The following HMCN1 variants were observed in gnomAD, a reference collection of about 807,000 sequenced individuals.
HMCN1 encodes hemicentin 1.
In HMCN1, 321 loss-of-function variants were observed where a neutral mutation model predicts 625.9. The ratio of observed to expected loss-of-function variants is 0.51; its 90% CI spans 0.47 to 0.56. The LOEUF (loss-of-function observed/expected upper bound fraction) is 0.56. Ranked by LOEUF, HMCN1 falls within the 20% of genes least tolerant of loss-of-function variation. HMCN1 has a pLI of 0.00. For missense variants in HMCN1, 6,588 were observed against 6,887.3 expected, an observed-to-expected ratio of 0.96 and a Z score of 1.54; for synonymous variants, 2,425 against 2,417.6, an observed-to-expected ratio of 1.00 and a Z score of -0.09.
chr1:186,117,352 T>C, intron 76 of HMCN1, 107 bp from the exon 77 acceptor site: 1 of 1,344,270 alleles, frequency 7.4e-7, no homozygotes, highest in Non-Finnish European at 1.0e-6. Context: ...TCTACTTACC[T>C]AACTTTCACT....
chr1:186,087,496 A>C lies in HMCN1; in HGVS notation c.9214A>C (p.Arg3072=). 6 of 1,613,306 alleles carry C rather than the reference A, an allele frequency of 3.7e-6. No homozygotes were observed. Among genetic ancestry groups the C allele is most frequent in the Non-Finnish European group, 5.1e-6 (6 of 1,179,494 alleles). ...DSESLSVVNV[R]EGTSVSLECE... is the part of the protein sequence containing the mutation. ...TGAATCTCTTTCTGTAGTTAATGTA[A>C]GAGAGGGAACTTCTGTGTCTTTGGA... The change falls in exon 60 of 107, where the codon AGA becomes CGA. Residue 3072 remains arginine (R), a synonymous_variant. Coordinates refer to ENST00000271588, the MANE Select transcript of HMCN1 (RefSeq NM_031935.3).
At chr1:185,810,924 A>T (rs1219161523) in intron 1 of HMCN1, among the ~76,000 whole-genome samples, 7 of 152,186 alleles carry the variant, frequency 4.6e-5, no homozygotes, top group Admixed American at 3.3e-4. Flanking sequence ...GCATTCTGTT[A>T]GCAAAGAACA....
Position 186,119,301 on chromosome 1 carries a change from A to G in HMCN1, c.11956+3A>G, listed in dbSNP as rs763371577. 1.4e-5 allele frequency: 22 copies of G among 1,607,636 alleles called. No individual in the cohort carries two copies. Among genetic ancestry groups the G allele is most frequent in the African/African-American group, 2.7e-5 (2 of 74,758 alleles). Reference sequence around the variant, plus strand: ...ACACGTGACCCTTCATGTTCATGGTATGGAAGGCTATTTACTCATTCAAAG... The same window carrying G: ...ACACGTGACCCTTCATGTTCATGGTGTGGAAGGCTATTTACTCATTCAAAG... On this transcript the variant is annotated splice_donor_region_variant and intron_variant, in intron 78 of 106. Coordinates refer to ENST00000271588, the MANE Select transcript of HMCN1 (RefSeq NM_031935.3).
At position 186,122,965 on chromosome 1, in the gene HMCN1, A is replaced by G. The variant is rs1044719796; in HGVS notation, c.12244A>G (p.Ser4082Gly). ...GTATATTTTAGTTCCTCCAGTCATT[A>G]GCCCTCATCTAAAGGAATATGTTAT... Reference protein sequence around the residue: ...KLNVQVPPVISPHLKEYVIAV... With the variant: ...KLNVQVPPVIGPHLKEYVIAV... Residue 4082 changes from serine (S) to glycine (G), a missense_variant, in exon 81 of 107, where the codon AGC (serine) becomes GGC (glycine). Physicochemically the swap from Ser to Gly is moderately conservative, Grantham distance 56 (BLOSUM62 0). Around this residue, in one of 3 missense-constraint regions of HMCN1, gnomAD observed 1,954 missense variants for 2,013.1 expected, o/e 0.97. Coordinates refer to ENST00000271588, the MANE Select transcript of HMCN1 (RefSeq NM_031935.3). The G allele has an allele frequency of 1.2e-6, 2 of 1,613,914 alleles. No individual in the cohort carries two copies. The highest frequency in any genetic ancestry group is 1.7e-6 in the Non-Finnish European group (2 of 1,179,970).
chr1:185,790,604 G>A (rs1391475237), intron 1 of HMCN1, among the ~76,000 whole-genome samples: 1 of 152,206 alleles, frequency 6.6e-6, no homozygotes, highest in Non-Finnish European at 1.5e-5. Flanking sequence ...ATGGCCTAGA[G>A]CAGTGTTTTT....
At position 186,115,049 on chromosome 1, in the gene HMCN1, G is replaced by C. The variant is rs1256765649; in HGVS notation, c.11404+103G>C. On this transcript the variant is annotated intron_variant, in intron 74 of 106. Transcript: ENST00000271588. ...GATCTTGACATTGAAGGCTAGTTAA[G>C]CAATTTACATTATGGTATGAATAGC... The C allele has an allele frequency of 8.5e-6, 13 of 1,531,034 alleles. No individual in the cohort carries two copies. The Admixed American group carries it at 2.2e-4, about 26-fold the overall frequency. 94.8% of individuals were successfully genotyped at this position (1,531,034 alleles called of 1,614,324 possible).
At chr1:186,070,023 T>A (rs1658387587) in intron 51 of HMCN1, among the ~76,000 whole-genome samples, 1 of 152,204 alleles carries the variant, frequency 6.6e-6, no homozygotes. Flanking sequence ...GGCATTTCCT[T>A]AAGTTTCTCT....
rs533774933 is a variant in HMCN1, at chr1:185,745,396, T to C, written c.268+10349T>C. Among the ~76,000 whole-genome samples, 11 of 152,282 alleles carry C rather than the reference T, an allele frequency of 7.2e-5. 1 individual carries two copies. The South Asian group carries it at 2.3e-3, about 32-fold the overall frequency. ...GTTTATCCTTATAAATATGTAATGA[T>C]GTCATTACATATTTGGATCATAATA... On this transcript the variant is annotated intron_variant, in intron 1 of 106. Transcript: ENST00000271588.
At chr1:185,777,781 T>G (rs1656724799) in intron 1 of HMCN1, among the ~76,000 whole-genome samples, 2 of 152,232 alleles carry the variant, frequency 1.3e-5, no homozygotes, top group Admixed American at 6.5e-5. Flanking sequence ...ATGTTAGACA[T>G]AGGCAGCTCT....
At chr1:185,833,636 A>G (rs1168941088) in intron 1 of HMCN1, among the ~76,000 whole-genome samples, 1 of 152,156 alleles carries the variant, frequency 6.6e-6, no homozygotes, top group Non-Finnish European at 1.5e-5. Context: ...ATTAAATACC[A>G]TGATGAGATT....
At chr1:185,899,577 C>T (rs756387913) in intron 4 of HMCN1, among the ~76,000 whole-genome samples, 44 of 152,216 alleles carry the variant, frequency 2.9e-4, no homozygotes, top group Admixed American at 6.5e-4. Context: ...GCTCTCACAA[C>T]CCAGATCTGT....
At chr1:185,965,496 C>A (rs1650340087) in intron 13 of HMCN1, among the ~76,000 whole-genome samples, 1 of 151,900 alleles carries the variant, frequency 6.6e-6, no homozygotes, top group Non-Finnish European at 1.5e-5. Context: ...TAAGATGTTT[C>A]TTTCCTTGTA....
chr1:185,861,460 C>T (rs1380907460), intron 2 of HMCN1, among the ~76,000 whole-genome samples: 3 of 152,196 alleles, frequency 2.0e-5, no homozygotes, highest in Admixed American at 6.5e-5. Flanking sequence ...GTGGTTCACA[C>T]TCAGGTGCAC....
chr1:186,091,789 T>C (rs1659856695), intron 64 of HMCN1, among the ~76,000 whole-genome samples: 1 of 152,136 alleles, frequency 6.6e-6, no homozygotes, highest in South Asian at 2.1e-4. Flanking sequence ...TGTGGACCAA[T>C]ATGTAAATTT....
At chr1:185,921,585 C>T (rs1283665896) in intron 6 of HMCN1, among the ~76,000 whole-genome samples, 1 of 152,094 alleles carries the variant, frequency 6.6e-6, no homozygotes, top group African/African-American at 2.4e-5. Context: ...TGTGCCTTCT[C>T]AGTGTTGAGT....
chr1:186,119,783 G>A lies in HMCN1; in HGVS notation c.11995G>A (p.Val3999Ile), dbSNP rs182664406. ...TCAGCCCCAACCAAGTGAACTACAC[G>A]TCATTCTGAACAATCCTATTTTATT... ...VIQPQPSELH[V>I]ILNNPILLPC... Residue 3999 changes from valine to isoleucine, a missense_variant, in exon 79 of 107, where the codon GTC (valine) becomes ATC (isoleucine). Physicochemically the swap from Val to Ile is conservative, Grantham distance 29. Coordinates refer to ENST00000271588, the MANE Select transcript of HMCN1 (RefSeq NM_031935.3). 1.3e-5 allele frequency: 21 copies of A among 1,613,932 alleles called. 1 individual carries two copies. The Middle Eastern group carries it at 4.9e-4, about 38-fold the overall frequency.
intron 30 of HMCN1, among the ~76,000 whole-genome samples, chr1:186,007,932 G>T (rs1165248497): frequency 1.3e-5 from 2 of 152,226 alleles, no homozygotes; most frequent in African/African-American, 4.8e-5. Context: ...CAATAGACCT[G>T]TAGTGCTCAC....
intron 100 of HMCN1, among the ~76,000 whole-genome samples, chr1:186,167,745 G>C (rs1651969263): frequency 6.6e-6 from 1 of 152,126 alleles, no homozygotes; most frequent in Admixed American, 6.6e-5. Context: ...CAATTGTGCA[G>C]ACTTTTTAGA....
intron 34 of HMCN1, among the ~76,000 whole-genome samples, chr1:186,019,103 G>A (rs1654550712): frequency 6.6e-6 from 1 of 152,004 alleles, no homozygotes; most frequent in Non-Finnish European, 1.5e-5. Flanking sequence ...CCTGAGGGAG[G>A]AAATCTGGCA....
Sources: gnomAD v4.1 joint callset for allele counts (sites outside exome capture counted in the v4.1 genomes callset) on GRCh38, gnomAD v4.1.1 for gene constraint, gnomAD v4.1.1 regional missense constraint, MANE v1.5 for transcripts, NCBI Gene and HGNC (gene_info 2026-07-23, HGNC 2026-07-21) for gene names.